The following GCN1 variants were observed in gnomAD, a reference collection of about 807,000 sequenced individuals.
GCN1 encodes stalled ribosome sensor GCN1.
In GCN1, 90 loss-of-function variants were observed where a neutral mutation model predicts 288.4. The observed-to-expected ratio is 0.31, with a 90% confidence interval of 0.26 to 0.37. The LOEUF (loss-of-function observed/expected upper bound fraction) is 0.37. Among genes scored for constraint, GCN1 ranks in the 10% least tolerant of loss-of-function variants. The pLI, the probability that GCN1 is intolerant of heterozygous loss-of-function variation, is 1.00. For missense variants in GCN1, 2,586 were observed against 3,419.9 expected (o/e 0.76, Z 6.08); for synonymous variants, 1,386 against 1,420.2 (o/e 0.98, Z 0.54).
rs769236567 is a variant in GCN1 at position 120,156,575 on chromosome 12, C to A, written c.3198G>T (p.Leu1066=). The change falls in exon 28 of 58, where the codon CTG becomes CTT. Residue 1066 remains leucine, a synonymous_variant. Transcript: ENST00000300648. This position sits in a 1 kb window ranked among gnomAD's most constrained non-coding sequence, Gnocchi z 5.8. ...CATCATCACCACTGCTGCTGGCACACAGGGTGGTCAGGGTGTCTGAAGCCA... is the reference window on the plus strand; with the variant it reads ...CATCATCACCACTGCTGCTGGCACAAAGGGTGGTCAGGGTGTCTGAAGCCA... The part of the protein sequence containing the change: ...QVLASDTLTT[L]CASSSGDDGC... 2.6e-5 allele frequency: 42 copies of A among 1,613,978 alleles called. No individual in the cohort carries two copies. Among genetic ancestry groups the A allele is most frequent in the Non-Finnish European group, 3.3e-5 (39 of 1,179,910 alleles).
rs1877813034 is a variant in GCN1, at chr12:120,158,160, T to C, written c.2906-130A>G. The C allele has an allele frequency of 2.4e-6, 2 of 842,374 alleles. No individual in the cohort carries two copies. Among genetic ancestry groups the C allele is most frequent in the Non-Finnish European group, 3.7e-6 (2 of 543,668 alleles). 52.2% of individuals were successfully genotyped at this position (842,374 alleles called of 1,614,324 possible). A position where few individuals can be genotyped will look rare whatever the true frequency, so the allele number is the denominator to read the frequency against. ...GCCCGTTCTGACACCTGGAAGCACATGGCACGAGGACAGAGACAGCAGCTG... is the reference window on the plus strand; with the variant it reads ...GCCCGTTCTGACACCTGGAAGCACACGGCACGAGGACAGAGACAGCAGCTG... On this transcript the variant is annotated intron_variant, in intron 25 of 57. Transcript: ENST00000300648. The surrounding 1 kb of genome is among the most constrained non-coding windows in gnomAD (Gnocchi z 4.3).
intron 56 of GCN1, among the ~76,000 whole-genome samples, chr12:120,130,069 C>A (rs1229113525): frequency 1.3e-5 from 2 of 152,212 alleles, no homozygotes; most frequent in African/African-American, 4.8e-5. Context: ...TTACTCAAGG[C>A]AAGGTCCATG....
At position 120,194,692 on chromosome 12, in the gene GCN1, C is replaced by T; in HGVS notation, c.6G>A (p.Ala2=). The T allele has an allele frequency of 6.6e-7, 1 of 1,512,596 alleles. No homozygotes were observed. The highest frequency in any genetic ancestry group is 8.8e-7 in the Non-Finnish European group (1 of 1,137,208). 93.7% of individuals were successfully genotyped at this position (1,512,596 alleles called of 1,614,324 possible). The change falls in exon 1 of 58, where the codon GCG becomes GCA. Residue 2 remains alanine, a synonymous_variant. Transcript: ENST00000300648. The part of the protein sequence containing the change: M[A]ADTQVSETLK... ...CCGCCCGCCTCACCTGCGTGTCCGC[C>T]GCCATCCTGCCGGGGCTGACTCCGG...
At chr12:120,177,989 AC>A (rs1170506206) in intron 7 of GCN1, among the ~76,000 whole-genome samples, 1 of 151,524 alleles carries the variant, frequency 6.6e-6, no homozygotes, top group East Asian at 1.9e-4. Context: ...CCTGCCCACC[AC>A]TCAGCTGGCT....
chr12:120,183,899 C>G (rs1197709631), intron 4 of GCN1, among the ~76,000 whole-genome samples: 2 of 152,356 alleles, frequency 1.3e-5, no homozygotes, highest in East Asian at 1.9e-4. Flanking sequence ...TAAAAACAAA[C>G]AGATGGCTTC....
chr12:120,172,602 T>C (rs1204847546), intron 14 of GCN1, among the ~76,000 whole-genome samples: 2 of 151,906 alleles, frequency 1.3e-5, no homozygotes, highest in Non-Finnish European at 2.9e-5. Flanking sequence ...CTCTGCCTCC[T>C]GGGCTCAAGC....
chr12:120,184,052 T>A lies in GCN1; in HGVS notation c.317+60A>T. ...TCCCTCTGGTGCACAGTCAACTGCA[T>A]CAGCTTCTCCTGAGCAGGACTGTAC... On this transcript the variant is annotated intron_variant, in intron 4 of 57. Transcript: ENST00000300648. The A allele has an allele frequency of 2.1e-6, 3 of 1,453,580 alleles. 1 individual carries two copies. Among genetic ancestry groups the A allele is most frequent in the Non-Finnish European group, 2.8e-6 (3 of 1,061,198 alleles). The allele number at this position is 1,453,580 out of a possible 1,614,324, so 90.0% of individuals were successfully genotyped here.
intron 1 of GCN1, among the ~76,000 whole-genome samples, chr12:120,192,991 G>A (rs986585906): frequency 5.9e-5 from 9 of 152,062 alleles, no homozygotes; most frequent in Admixed American, 1.3e-4. Context: ...AGTTCAGATC[G>A]TGCCATTGCA....
At chr12:120,162,368 T>C (rs2240323) in intron 20 of GCN1, 96,627 of 420,004 alleles carry the variant, frequency 0.23, 16,626 homozygotes, top group African/African-American at 0.58. Context: ...GAAGGATGGG[T>C]GCAGAGATGA....
chr12:120,192,602 G>A (rs573721061), intron 1 of GCN1, among the ~76,000 whole-genome samples: 1 of 152,054 alleles, frequency 6.6e-6, no homozygotes, highest in African/African-American at 2.4e-5. Flanking sequence ...CGTGGTGCCG[G>A]GTGCCTGTAA....
At chr12:120,138,519 C>A in intron 46 of GCN1, 104 bp from the exon 47 acceptor site, 1 of 1,013,716 alleles carries the variant, frequency 9.9e-7, no homozygotes, top group Non-Finnish European at 1.6e-6. Flanking sequence ...TCCTGTTGCA[C>A]CCACATTTCC....
In GCN1 at chr12:120,137,472, A is replaced by G. The variant is rs1030988676; in HGVS notation, c.6663+73T>C. The G allele has an allele frequency of 4.0e-5, 61 of 1,534,724 alleles. No individual in the cohort carries two copies. Among genetic ancestry groups the G allele is most frequent in the African/African-American group, 1.4e-4 (10 of 73,188 alleles). ...AGTGACAGGTACGTGGGGGATTCTTATAAGTCTATTCCTGTAAATGTCTGG... is the reference window on the plus strand; with the variant it reads ...AGTGACAGGTACGTGGGGGATTCTTGTAAGTCTATTCCTGTAAATGTCTGG... On this transcript the variant is annotated intron_variant, in intron 49 of 57. Transcript: ENST00000300648. The surrounding 1 kb of genome is among the most constrained non-coding windows in gnomAD (Gnocchi z 5.2).
At position 120,128,904 on chromosome 12, in the gene GCN1, T is replaced by C. The variant is rs556673573; in HGVS notation, c.7890+372A>G. On this transcript the variant is annotated intron_variant, in intron 57 of 57. Transcript: ENST00000300648. ...TCGCCCAGGCTGGAGTGCAGTGGCA[T>C]GATCTCAGCTCACTGCAACCTCCGT... Among the ~76,000 whole-genome samples the C allele has an allele frequency of 1.0e-4, 14 of 140,322 alleles. No homozygotes were observed. In the East Asian group the frequency reaches 2.5e-3, roughly 25 times the overall value. 92.1% of individuals were successfully genotyped at this position (140,322 alleles called of 152,430 possible).
At chr12:120,148,440 G>T in intron 36 of GCN1, 94 bp from the exon 37 acceptor site, 2 of 1,009,186 alleles carry the variant, frequency 2.0e-6, no homozygotes, top group Non-Finnish European at 1.5e-6. Context: ...CATCTACCCT[G>T]GCCCCTGCAG....
At chr12:120,184,091 G>A (rs767490234) in intron 4 of GCN1, 21 bp downstream of exon 4, 6 of 1,603,838 alleles carry the variant, frequency 3.7e-6, no homozygotes, top group Non-Finnish European at 4.3e-6. Context: ...TTCTCAGGGG[G>A]CCACAACTTT....
At chr12:120,148,399 A>G (rs985595811) in intron 36 of GCN1, 53 bp from the exon 37 acceptor site, 2 of 1,448,528 alleles carry the variant, frequency 1.4e-6, no homozygotes, top group East Asian at 2.3e-5. Context: ...AAGGCCAGCA[A>G]CTCACCTGTG....
In GCN1 at chr12:120,129,333, G is replaced by A; in HGVS notation, c.7833C>T (p.Tyr2611=). ...GGAGGTTGACAATTGCCTGGTCGCTGTAGGCCCTGACCACGGTGTTCTTAT... is the reference window on the plus strand; with the variant it reads ...GGAGGTTGACAATTGCCTGGTCGCTATAGGCCCTGACCACGGTGTTCTTAT... ...TKDKNTVVRA[Y]SDQAIVNLLK... The change falls in exon 57 of 58, where the codon TAC becomes TAT. Residue 2611 remains tyrosine, a synonymous_variant. Coordinates refer to ENST00000300648, the MANE Select transcript of GCN1 (RefSeq NM_006836.2). The A allele has an allele frequency of 1.2e-6, 2 of 1,614,178 alleles. No individual in the cohort carries two copies. Among genetic ancestry groups the A allele is most frequent in the Non-Finnish European group, 1.7e-6 (2 of 1,180,038 alleles).
intron 1 of GCN1, among the ~76,000 whole-genome samples, chr12:120,192,903 G>T (rs1019087227): frequency 6.7e-6 from 1 of 149,580 alleles, no homozygotes; most frequent in Non-Finnish European, 1.5e-5. Context: ...GGGCATGGTG[G>T]CGCATGCCTG....
In GCN1 at chr12:120,175,790, G is replaced by A. The variant is rs114251901; in HGVS notation, c.998C>T (p.Ser333Leu). The A allele has an allele frequency of 8.4e-4, 1,347 of 1,613,036 alleles. 11 individuals are homozygous for A. The African/African-American group carries it at 0.015, about 18-fold the overall frequency. Residue 333 changes from serine (S) to leucine (L), a missense_variant, in exon 11 of 58, where the codon TCG becomes TTG. Physicochemically the swap from Ser to Leu is moderately radical, Grantham distance 145 (BLOSUM62 -2). Coordinates refer to ENST00000300648, the MANE Select transcript of GCN1 (RefSeq NM_006836.2). ...RNLARQCSDS[S>L]AMESLTKHLF... ...GTGCTTGGTCAGGGATTCCATGGCC[G>A]AAGAGTCACTGCACTGGCGTGCCAG...
Sources: gnomAD v4.1 joint callset for allele counts (sites outside exome capture counted in the v4.1 genomes callset) on GRCh38, gnomAD v4.1.1 for gene constraint, Gnocchi (gnomAD v3.1) non-coding constraint, MANE v1.5 for transcripts, NCBI Gene and HGNC (gene_info 2026-07-23, HGNC 2026-07-21) for gene names.